The following IQANK1 variants were observed in gnomAD, a reference collection of about 807,000 sequenced individuals.
IQANK1 encodes IQ motif and ankyrin repeat containing 1.
Under a neutral mutation model 22.6 loss-of-function variants are expected in IQANK1, and 30 were observed. The observed-to-expected ratio is 1.33, with a 90% CI of 0.99 to 1.80. IQANK1 has a LOEUF of 1.80. IQANK1 is among the 40% of genes most tolerant of loss of function. The probability of loss-of-function intolerance (pLI) is 0.00; values close to 1 mark genes in which losing one functional copy is unlikely to be tolerated. For missense variants in IQANK1, 275 were observed against 235.2 expected (o/e 1.17, Z -1.11); for synonymous variants, 122 against 99.6 (o/e 1.23, Z -1.34).
chr8:143,764,233 T>C (rs904069188), intron 3 of IQANK1, among the ~76,000 whole-genome samples: 3 of 152,020 alleles, frequency 2.0e-5, no homozygotes, highest in Admixed American at 1.3e-4. Context: ...ACCTGACTCA[T>C]ACAACCTGTA....
At chr8:143,746,874 AT>A (rs1188178852) in intron 3 of IQANK1, among the ~76,000 whole-genome samples, 5 of 151,590 alleles carry the variant, frequency 3.3e-5, no homozygotes, top group South Asian at 2.1e-4. Flanking sequence ...TTATTTATTT[AT>A]TTTATTTTAT....
chr8:143,777,557 A>G (rs1294783447), intron 7 of IQANK1, among the ~76,000 whole-genome samples: 3 of 151,402 alleles, frequency 2.0e-5, no homozygotes, highest in Non-Finnish European at 2.9e-5. Flanking sequence ...CTAAAAAAAA[A>G]TCCCAAAATA....
At chr8:143,745,400 G>A (rs1554627108) in intron 3 of IQANK1, 1 of 152,252 alleles carries the variant, frequency 6.6e-6, no homozygotes, top group Non-Finnish European at 1.5e-5. Flanking sequence ...CCTGCCAGGA[G>A]TTCACTCATT....
chr8:143,752,607 G>T (rs1046826325), intron 3 of IQANK1, among the ~76,000 whole-genome samples: 1 of 151,984 alleles, frequency 6.6e-6, no homozygotes, highest in African/African-American at 2.4e-5. Context: ...TATGATGGTG[G>T]TCCTCAAAGA....
intron 2 of IQANK1, among the ~76,000 whole-genome samples, chr8:143,737,049 C>T (rs115574229): frequency 0.02 from 3,028 of 152,208 alleles, 96 homozygotes; most frequent in African/African-American, 0.061. Context: ...TGATGGTGAC[C>T]GCTCCTCCAC....
At chr8:143,747,958 CTTT>C (rs1819064649) in intron 3 of IQANK1, among the ~76,000 whole-genome samples, 1 of 112,798 alleles carries the variant, frequency 8.9e-6, no homozygotes, top group Admixed American at 9.7e-5. Context: ...CTTTCCTTTC[CTTT>C]CCTTTCCTTT....
intron 7 of IQANK1, among the ~76,000 whole-genome samples, chr8:143,785,239 C>T (rs1022469027): frequency 2.7e-5 from 4 of 147,842 alleles, no homozygotes; most frequent in Non-Finnish European, 4.5e-5. Flanking sequence ...TTTTCCTGTG[C>T]CTTTGTTCTG....
At chr8:143,738,674 C>G (rs1554626021) in intron 2 of IQANK1, among the ~76,000 whole-genome samples, 4 of 152,212 alleles carry the variant, frequency 2.6e-5, no homozygotes, top group Non-Finnish European at 5.9e-5. Context: ...CCTGGTCCTG[C>G]CCTGGGCGGC....
chr8:143,788,781 C>T (rs533999245), intron 7 of IQANK1, 134 bp from the exon 8 acceptor site: 7 of 397,474 alleles, frequency 1.8e-5, no homozygotes, highest in East Asian at 1.1e-4. Flanking sequence ...GCCCACCACG[C>T]ACCAGCTGTG....
Position 143,788,970 on chromosome 8 carries a change from C to A in IQANK1, c.845C>A (p.Thr282Lys). 5.0e-6 allele frequency: 2 copies of A among 399,454 alleles called. No individual in the cohort carries two copies. 24.7% of individuals were successfully genotyped at this position (399,454 alleles called of 1,614,324 possible). ...CTGCGCTCGTGGGACCTGAGCCTCACGGAGGCCATGCTCCAGAACATGGAG... is the reference window on the plus strand; with the variant it reads ...CTGCGCTCGTGGGACCTGAGCCTCAAGGAGGCCATGCTCCAGAACATGGAG... The part of the protein sequence containing the change: ...SVLRSWDLSL[T>K]EAMLQNMEAE... Residue 282 changes from threonine to lysine, a missense_variant, in exon 8 of 14, where the codon ACG becomes AAG. Physicochemically the swap from Thr to Lys is moderately conservative, Grantham distance 78. Transcript: ENST00000527139.
At chr8:143,738,724 G>A (rs1390820314) in intron 2 of IQANK1, among the ~76,000 whole-genome samples, 1 of 152,068 alleles carries the variant, frequency 6.6e-6, no homozygotes, top group Non-Finnish European at 1.5e-5. Context: ...GGCTCCCCCG[G>A]TCCCACAGCT....
intron 3 of IQANK1, among the ~76,000 whole-genome samples, chr8:143,760,895 C>T (rs967097955): frequency 1.2e-4 from 18 of 152,116 alleles, no homozygotes; most frequent in Admixed American, 5.9e-4. Flanking sequence ...CAGGCGGGCC[C>T]GGGAGAGGCG....
Position 143,742,818 on chromosome 8 carries a change from C to T in IQANK1, c.175+2870C>T, listed in dbSNP as rs1554626766. 3 of 455,992 alleles carry T rather than the reference C, an allele frequency of 6.6e-6. No individual in the cohort carries two copies. In the Admixed American group the frequency reaches 7.0e-5, roughly 11 times the overall value. The allele number at this position is 455,992 out of a possible 1,614,324, so 28.2% of individuals were successfully genotyped here. A position where few individuals can be genotyped will look rare whatever the true frequency, so the allele number is the denominator to read the frequency against. ...TTCACCTTAGCCAGCAGCCCTGGGC[C>T]ACACTGGGGATGGTCCCAAACATGG... On this transcript the variant is annotated intron_variant, in intron 3 of 13. Coordinates refer to ENST00000527139, the MANE Select transcript of IQANK1 (RefSeq NM_001381874.1).
chr8:143,752,359 G>A (rs1201486540), intron 3 of IQANK1, among the ~76,000 whole-genome samples: 1 of 152,148 alleles, frequency 6.6e-6, no homozygotes, highest in African/African-American at 2.4e-5. Flanking sequence ...AGGATCCCTT[G>A]TATGTGACAA....
At chr8:143,765,802 G>A (rs1194490883) in intron 3 of IQANK1, among the ~76,000 whole-genome samples, 1 of 152,184 alleles carries the variant, frequency 6.6e-6, no homozygotes, top group African/African-American at 2.4e-5. Flanking sequence ...CATGTTCATG[G>A]CTGTTTAGGT....
In IQANK1 at chr8:143,735,159, A is replaced by C. The variant is rs2129731768; in HGVS notation, c.-4-691A>C. Among the ~76,000 whole-genome samples the C allele has an allele frequency of 6.6e-6, 1 of 152,352 alleles. No individual in the cohort carries two copies. The highest frequency in any genetic ancestry group is 1.9e-4 in the East Asian group (1 of 5,182). On this transcript the variant is annotated intron_variant, in intron 1 of 13. Coordinates refer to ENST00000527139, the MANE Select transcript of IQANK1 (RefSeq NM_001381874.1). The surrounding 1 kb of genome is among the most constrained non-coding windows in gnomAD (Gnocchi z 5.2). ...ACCCCACTGGTACCAGCATGCTGGA[A>C]ACATGGGTGGGGGGTCAGACCAGTG...
At position 143,788,796 on chromosome 8, in the gene IQANK1, C is replaced by T. The variant is rs1480796183; in HGVS notation, c.790-119C>T. The T allele has an allele frequency of 1.5e-5, 6 of 397,810 alleles. No individual in the cohort carries two copies. The East Asian group carries it at 2.1e-4, about 14-fold the overall frequency. 24.6% of individuals were successfully genotyped at this position (397,810 alleles called of 1,614,324 possible). Reference sequence around the variant, plus strand: ...GCCCACCACGCACCAGCTGTGAGCACTGAGGCCCTTTCTGCATAATGGCAC... The same window carrying T: ...GCCCACCACGCACCAGCTGTGAGCATTGAGGCCCTTTCTGCATAATGGCAC... On this transcript the variant is annotated intron_variant, in intron 7 of 13. Coordinates refer to ENST00000527139, the MANE Select transcript of IQANK1 (RefSeq NM_001381874.1).
chr8:143,781,199 T>A (rs1217491844), intron 7 of IQANK1, among the ~76,000 whole-genome samples: 1 of 152,212 alleles, frequency 6.6e-6, no homozygotes, highest in African/African-American at 2.4e-5. Flanking sequence ...TTGTATAAGA[T>A]CCTTATAAAT....
chr8:143,780,556 AC>A (rs534463410), intron 7 of IQANK1, among the ~76,000 whole-genome samples: 200 of 152,138 alleles, frequency 1.3e-3, no homozygotes, highest in African/African-American at 4.6e-3. Flanking sequence ...GCTCCCGTTT[AC>A]AGGTGAGAAC....
Sources: allele counts gnomAD v4.1 joint callset (sites outside exome capture counted in the v4.1 genomes callset), GRCh38; gene constraint gnomAD v4.1.1; non-coding constraint Gnocchi (gnomAD v3.1); transcripts MANE v1.5; gene names NCBI Gene and HGNC (gene_info 2026-07-23, HGNC 2026-07-21).